Variants in CACNA2D1 observed in about 807,000 individuals in gnomAD.
CACNA2D1 encodes the protein voltage-dependent calcium channel subunit alpha-2/delta-1.
A neutral mutation model predicts 171.5 loss-of-function variants in CACNA2D1; 53 were observed. The ratio of observed to expected loss-of-function variants is 0.31; its 90% CI spans 0.25 to 0.39. The LOEUF (loss-of-function observed/expected upper bound fraction) is 0.39, where lower values mean the gene tolerates loss of function less well. CACNA2D1 is among the 10% of genes least tolerant of loss of function. The pLI is 1.00. For missense variants in CACNA2D1, 903 were observed against 1,299.8 expected, an observed-to-expected ratio of 0.69 and a Z score of 4.69; for synonymous variants, 442 against 443.1, an observed-to-expected ratio of 1.00 and a Z score of 0.03.
chr7:82,336,185 C>T (rs1329126706), intron 2 of CACNA2D1, among the ~76,000 whole-genome samples: 1 of 152,164 alleles, frequency 6.6e-6, no homozygotes, highest in African/African-American at 2.4e-5. Context: ...CAGGCACATA[C>T]AGGAATCAGT....
intron 3 of CACNA2D1, among the ~76,000 whole-genome samples, chr7:82,191,546 C>G (rs191185705): frequency 6.6e-6 from 1 of 151,888 alleles, no homozygotes; most frequent in East Asian, 1.9e-4. Context: ...TTGACAATTA[C>G]CCCGTGTAAA....
At chr7:82,354,817 G>T (rs532950352) in intron 1 of CACNA2D1, among the ~76,000 whole-genome samples, 1 of 152,180 alleles carries the variant, frequency 6.6e-6, no homozygotes, top group Non-Finnish European at 1.5e-5. Flanking sequence ...ATGTGGGGCA[G>T]ATACCAGCAG....
chr7:81,962,340 T>C, intron 35 of CACNA2D1, 100 bp downstream of exon 35: 1 of 897,462 alleles, frequency 1.1e-6, no homozygotes, highest in Non-Finnish European at 1.8e-6. Context: ...ACCTGTTTTC[T>C]CTTTCACACA....
intron 1 of CACNA2D1, among the ~76,000 whole-genome samples, chr7:82,435,529 T>C (rs543477238): frequency 6.6e-6 from 1 of 152,320 alleles, no homozygotes; most frequent in East Asian, 1.9e-4. Context: ...CTTCCTTTCC[T>C]GATTCCCCAA....
intron 12 of CACNA2D1, among the ~76,000 whole-genome samples, chr7:82,031,808 A>T (rs1802734788): frequency 6.6e-6 from 1 of 151,942 alleles, no homozygotes; most frequent in Non-Finnish European, 1.5e-5. Context: ...TCAAGCACAT[A>T]TAAAACAATC....
rs780518475 is a variant in CACNA2D1 at position 81,989,808 on chromosome 7, C to G, written c.1796+1377G>C. Among the ~76,000 whole-genome samples the G allele has an allele frequency of 6.6e-4, 101 of 152,206 alleles. 2 individuals are homozygous for G. The highest frequency in any genetic ancestry group is 5.6e-4 in the Non-Finnish European group (38 of 68,020). On this transcript the variant is annotated intron_variant, in intron 21 of 38. Transcript: ENST00000356860. ...AAAGGAGTTGGTGGTGTGCACAAGA[C>G]AGTGAAAGACCCAAGGAATTTCTGC...
chr7:82,360,227 G>A (rs1422445001), intron 1 of CACNA2D1, among the ~76,000 whole-genome samples: 1 of 152,088 alleles, frequency 6.6e-6, no homozygotes, highest in African/African-American at 2.4e-5. Context: ...ATAGCCCTAG[G>A]TTCAAAGTCT....
chr7:82,404,465 C>T (rs1826799776), intron 1 of CACNA2D1, among the ~76,000 whole-genome samples: 1 of 152,094 alleles, frequency 6.6e-6, no homozygotes, highest in Admixed American at 6.6e-5. Context: ...AGGGAAGAAT[C>T]CTTAAATGAG....
chr7:81,982,853 T>C, intron 23 of CACNA2D1: 1 of 599,852 alleles, frequency 1.7e-6, no homozygotes, highest in Non-Finnish European at 2.9e-6. Context: ...CCCACAGTTA[T>C]TTCAAAGAAA....
At chr7:82,425,742 C>T (rs1156706575) in intron 1 of CACNA2D1, among the ~76,000 whole-genome samples, 4 of 151,072 alleles carry the variant, frequency 2.6e-5, no homozygotes, top group Non-Finnish European at 5.9e-5. Context: ...CTCATCCTCC[C>T]GCCTCAGCCT....
chr7:82,428,743 A>G (rs1829420959), intron 1 of CACNA2D1, among the ~76,000 whole-genome samples: 1 of 152,202 alleles, frequency 6.6e-6, no homozygotes, highest in African/African-American at 2.4e-5. Flanking sequence ...ATACTCTTTT[A>G]CAGAATATGA....
Position 82,343,001 on chromosome 7 carries a change from C to CTGTA in CACNA2D1, c.177+6566_177+6567insTACA, listed in dbSNP as rs1434319293. On this transcript the variant is annotated intron_variant, in intron 2 of 38. Coordinates refer to ENST00000356860, the MANE Select transcript of CACNA2D1 (RefSeq NM_000722.4). ...AGAATCTGAATTATAAATTTGTTTA[C>CTGTA]TACAAACACAATCCAAACATATATA... The CTGTA allele has an allele frequency of 3.3e-5, 5 of 152,252 alleles. No homozygotes were observed. The South Asian group carries it at 1.0e-3, about 32-fold the overall frequency. The allele number at this position is 152,252 out of a possible 1,614,324, so 9.4% of individuals were successfully genotyped here. A position where few individuals can be genotyped will look rare whatever the true frequency, so the allele number is the denominator to read the frequency against.
chr7:82,261,523 G>A (rs1434323865), intron 3 of CACNA2D1, among the ~76,000 whole-genome samples: 3 of 152,144 alleles, frequency 2.0e-5, no homozygotes, highest in Admixed American at 6.5e-5. Context: ...ACGAGAAGGC[G>A]TGTTGTCTTT....
chr7:82,267,165 C>CT (rs1368359004), intron 3 of CACNA2D1, among the ~76,000 whole-genome samples: 6 of 152,086 alleles, frequency 3.9e-5, no homozygotes, highest in Admixed American at 1.3e-4. Context: ...TAAAATGACT[C>CT]TTTATAAAAA....
At chr7:82,322,792 G>A (rs1816157227) in intron 3 of CACNA2D1, among the ~76,000 whole-genome samples, 1 of 152,080 alleles carries the variant, frequency 6.6e-6, no homozygotes, top group Non-Finnish European at 1.5e-5. Context: ...AAACAATTAT[G>A]AAGAACAGAT....
chr7:81,946,784 C>T lies in CACNA2D1; in HGVS notation c.*3608G>A, dbSNP rs1322458259. 3 of 152,176 alleles carry T rather than the reference C, an allele frequency of 2.0e-5. No individual in the cohort carries two copies. The highest frequency in any genetic ancestry group is 7.2e-5 in the African/African-American group (3 of 41,538). 9.4% of individuals were successfully genotyped at this position (152,176 alleles called of 1,614,324 possible). A position where few individuals can be genotyped will look rare whatever the true frequency, so the allele number is the denominator to read the frequency against. On this transcript the variant is annotated 3_prime_UTR_variant, in exon 39 of 39. Coordinates refer to ENST00000356860, the MANE Select transcript of CACNA2D1 (RefSeq NM_000722.4). ...CTGGCATCTACACAAGACAGTATCC[C>T]ATTAGTTTCAGTGGAATTTGAGATA...
intron 12 of CACNA2D1, among the ~76,000 whole-genome samples, chr7:82,031,908 C>T (rs1802745500): frequency 6.6e-6 from 1 of 151,962 alleles, no homozygotes; most frequent in Non-Finnish European, 1.5e-5. Flanking sequence ...GCAGAGTCTT[C>T]TTATATATAA....
At chr7:82,137,538 A>G (rs1791770508) in intron 4 of CACNA2D1, among the ~76,000 whole-genome samples, 1 of 152,158 alleles carries the variant, frequency 6.6e-6, no homozygotes, top group Non-Finnish European at 1.5e-5. Flanking sequence ...ATGTGAACAC[A>G]TATTTTTCCC....
chr7:82,185,498 G>GGGGGGA (rs1563172437), intron 3 of CACNA2D1, among the ~76,000 whole-genome samples: 1 of 10,398 alleles, frequency 9.6e-5, no homozygotes, highest in Non-Finnish European at 2.5e-4. Flanking sequence ...GGAGGGGGAG[G>GGGGGGA]GGAGGGGGAG....
Sources: gnomAD v4.1 joint callset for allele counts (sites outside exome capture counted in the v4.1 genomes callset) on GRCh38, gnomAD v4.1.1 for gene constraint, MANE v1.5 for transcripts, NCBI Gene and HGNC (gene_info 2026-07-23, HGNC 2026-07-21) for gene names.